The following CCDC14 variants were observed in gnomAD, a reference collection of about 807,000 sequenced individuals.
The protein encoded by CCDC14 is coiled-coil domain containing 14.
A neutral mutation model predicts 81.4 loss-of-function variants in CCDC14; 71 were observed. The observed-to-expected ratio is 0.87, with a 90% CI of 0.72 to 1.06. The LOEUF (loss-of-function observed/expected upper bound fraction) is 1.06. Ranked by LOEUF, CCDC14 falls within the 50% of genes least tolerant of loss-of-function variation. The pLI is 0.00. For synonymous variants in CCDC14, 332 were observed against 364.8 expected, an observed-to-expected ratio of 0.91 and a Z score of 1.03; for missense variants, 1,046 against 1,047.3, an observed-to-expected ratio of 1.00 and a Z score of 0.02.
intron 9 of CCDC14, among the ~76,000 whole-genome samples, chr3:123,934,541 T>C (rs2035952521): frequency 1.3e-5 from 2 of 152,116 alleles, no homozygotes; most frequent in Admixed American, 1.3e-4. Context: ...AACACAAATC[T>C]ATGCTTCTAA....
At chr3:123,933,887 C>T (rs2035894904) in intron 9 of CCDC14, 132 bp from the exon 10 acceptor site, 1 of 603,434 alleles carries the variant, frequency 1.7e-6, no homozygotes. Context: ...CCCCAAAAGA[C>T]AAAAACTAAA....
intron 12 of CCDC14, among the ~76,000 whole-genome samples, chr3:123,918,197 T>C (rs1488022965): frequency 6.6e-6 from 1 of 152,198 alleles, no homozygotes; most frequent in East Asian, 1.9e-4. Context: ...ATAGGATAAA[T>C]TATTTTCTCC....
downstream of CCDC14, among the ~76,000 whole-genome samples, chr3:123,911,169 T>C (rs1296705969): frequency 2.6e-5 from 4 of 152,184 alleles, no homozygotes; most frequent in Admixed American, 6.6e-5. Context: ...ATTATTTCTA[T>C]AGTCCTTTCA....
At position 123,907,794 on chromosome 3, in the gene CCDC14, A is replaced by G. The variant is rs72962741; in HGVS notation, c.668-10181T>C. Among the ~76,000 whole-genome samples the G allele has an allele frequency of 8.4e-3, 1,267 of 151,656 alleles. 14 individuals carry two copies. The highest frequency in any genetic ancestry group is 0.027 in the African/African-American group (1,134 of 41,342). ...ATTTAGTCTGCTAGCCTTTTCTGCTATCTGGAGTCTTAGCATCCACTGTTT... is the reference window on the plus strand; with the variant it reads ...ATTTAGTCTGCTAGCCTTTTCTGCTGTCTGGAGTCTTAGCATCCACTGTTT... On this transcript the variant is annotated intron_variant, in intron 5 of 5. Coordinates refer to the CCDC14 transcript ENST00000479903.
chr3:123,929,912 T>C (rs1434302896), intron 12 of CCDC14, among the ~76,000 whole-genome samples: 2 of 152,300 alleles, frequency 1.3e-5, no homozygotes, highest in Admixed American at 6.5e-5. Context: ...ACTAACAAAA[T>C]TCTCACCACA....
chr3:123,894,310 C>T (rs2034029663), downstream of CCDC14, among the ~76,000 whole-genome samples: 1 of 152,164 alleles, frequency 6.6e-6, no homozygotes, highest in South Asian at 2.1e-4. Context: ...ATTCCATTGG[C>T]CCATATGTCT....
At chr3:123,911,961 A>G (rs1426296154), downstream of CCDC14, among the ~76,000 whole-genome samples, 1 of 152,208 alleles carries the variant, frequency 6.6e-6, no homozygotes, top group Non-Finnish European at 1.5e-5. Context: ...GGTGGTGGGA[A>G]TAAGGGAAGA....
At chr3:123,941,328 T>C (rs2036339798) in intron 9 of CCDC14, among the ~76,000 whole-genome samples, 1 of 151,902 alleles carries the variant, frequency 6.6e-6, no homozygotes, top group Admixed American at 6.6e-5. Context: ...ATAGAAACGA[T>C]GCATCTAGCT....
intron 9 of CCDC14, among the ~76,000 whole-genome samples, chr3:123,934,863 T>C (rs1421891742): frequency 6.6e-6 from 1 of 152,180 alleles, no homozygotes. Flanking sequence ...TGATAAAATA[T>C]GTAAACAAAA....
At chr3:123,897,484 G>C (rs1488867996), downstream of CCDC14, 1 of 321,826 alleles carries the variant, frequency 3.1e-6, no homozygotes, top group African/African-American at 2.2e-5. Flanking sequence ...TGAAGTGGGT[G>C]CTGGGGCCAG....
chr3:123,939,786 C>T (rs1024165475), intron 9 of CCDC14, among the ~76,000 whole-genome samples: 12 of 151,454 alleles, frequency 7.9e-5, no homozygotes, highest in Non-Finnish European at 1.0e-4. Context: ...AACTATAAAG[C>T]GACAAAATTT....
At position 123,914,013 on chromosome 3, in the gene CCDC14, C is replaced by T. The variant is rs550383301; in HGVS notation, c.*766G>A. 1.6e-5 allele frequency: 16 copies of T among 985,360 alleles called. No individual in the cohort carries two copies. Among genetic ancestry groups the T allele is most frequent in the Middle Eastern group, 5.2e-4 (1 of 1,912 alleles). 61.0% of individuals were successfully genotyped at this position (985,360 alleles called of 1,614,324 possible). A position where few individuals can be genotyped will look rare whatever the true frequency, so the allele number is the denominator to read the frequency against. ...GAATTACAATCAATGCCAAGATTTA[C>T]AAATTCCATCATGTTTAAATATAAG... On this transcript the variant is annotated 3_prime_UTR_variant, in exon 13 of 13. Coordinates refer to ENST00000409697, the MANE Select transcript of CCDC14 (RefSeq NM_001366335.1).
chr3:123,952,166 A>G (rs1463666539), intron 5 of CCDC14, among the ~76,000 whole-genome samples: 1 of 152,208 alleles, frequency 6.6e-6, no homozygotes, highest in Non-Finnish European at 1.5e-5. Context: ...AATTCATGAA[A>G]GGAAAGTATT....
intron 5 of CCDC14, among the ~76,000 whole-genome samples, chr3:123,908,406 T>A (rs1428508123): frequency 6.6e-6 from 1 of 152,162 alleles, no homozygotes; most frequent in Non-Finnish European, 1.5e-5. Context: ...AGCAATAAAT[T>A]GTAAATGAAT....
intron 9 of CCDC14, among the ~76,000 whole-genome samples, chr3:123,939,020 C>T (rs1422257535): frequency 6.6e-6 from 1 of 151,896 alleles, no homozygotes; most frequent in Non-Finnish European, 1.5e-5. Context: ...TCTGTCTACT[C>T]TTTTGTTTGA....
Position 123,915,198 on chromosome 3 carries a change from C to G in CCDC14, c.2299G>C (p.Gly767Arg), listed in dbSNP as rs17853980. ...AATTQLVSNSGLAVSGKENKL... is the reference protein window; with the variant it reads ...AATTQLVSNSRLAVSGKENKL... ...TTTTCTTTTCCAGAGACAGCAAGTC[C>G]GCTGTTGCTGACTAGCTGTGTTGTA... Residue 767 changes from glycine (G) to arginine (R), a missense_variant, in exon 13 of 13, where the codon GGA (glycine) becomes CGA (arginine). Gly to Arg is a moderately radical substitution (Grantham distance 125, BLOSUM62 -2). Coordinates refer to ENST00000409697, the MANE Select transcript of CCDC14 (RefSeq NM_001366335.1). 1 of 1,613,702 alleles carries G rather than the reference C, an allele frequency of 6.2e-7. No individual in the cohort carries two copies. The highest frequency in any genetic ancestry group is 1.1e-5 in the South Asian group (1 of 91,054).
intron 5 of CCDC14, among the ~76,000 whole-genome samples, chr3:123,903,526 T>C (rs1463153933): frequency 6.6e-6 from 1 of 152,130 alleles, no homozygotes; most frequent in East Asian, 1.9e-4. Flanking sequence ...TCCTTAGAAA[T>C]AGCAGTAGAC....
chr3:123,943,164 G>A (rs1160157095), intron 9 of CCDC14, among the ~76,000 whole-genome samples: 1 of 151,506 alleles, frequency 6.6e-6, no homozygotes, highest in Non-Finnish European at 1.5e-5. Flanking sequence ...ATATATATAT[G>A]TTTTCATTCA....
chr3:123,891,090 C>G, the CCDC14 span, among the ~76,000 whole-genome samples: 1 of 152,182 alleles, frequency 6.6e-6, no homozygotes, highest in South Asian at 2.1e-4. Context: ...TATATTGGCC[C>G]CTTTTAGCCA....
Sources: allele counts gnomAD v4.1 joint callset (sites outside exome capture counted in the v4.1 genomes callset), GRCh38; gene constraint gnomAD v4.1.1; transcripts MANE v1.5; gene names NCBI Gene and HGNC (gene_info 2026-07-23, HGNC 2026-07-21).